Variants in TENM3 observed in about 807,000 individuals in gnomAD.
The protein encoded by TENM3 is teneurin-3.
Under a neutral mutation model 255.1 loss-of-function variants are expected in TENM3, and 63 were observed. The observed-to-expected ratio is 0.25, with a 90% CI of 0.20 to 0.30. The LOEUF is 0.30. TENM3 is among the 10% of genes least tolerant of loss of function. The pLI, the probability that TENM3 is intolerant of heterozygous loss-of-function variation, is 1.00. For synonymous variants in TENM3, 1,306 were observed against 1,322.3 expected, an observed-to-expected ratio of 0.99 and a Z score of 0.27; for missense variants, 2,929 against 3,461.1, an observed-to-expected ratio of 0.85 and a Z score of 3.86.
intron 3 of TENM3, among the ~76,000 whole-genome samples, chr4:182,517,582 A>G (rs928368234): frequency 3.0e-5 from 4 of 133,902 alleles, no homozygotes; most frequent in African/African-American, 8.4e-5. Flanking sequence ...ACGGGGTTTC[A>G]CCGTGTTAGC....
At chr4:181,728,555 C>T in the TENM3 span, among the ~76,000 whole-genome samples, 5 of 152,258 alleles carry the variant, frequency 3.3e-5, no homozygotes, top group African/African-American at 4.8e-5. Context: ...TATAAACTGT[C>T]GTGGTGCTGG....
At chr4:182,324,394 A>C in intron 2 of TENM3, 142 bp downstream of exon 2, 1 of 689,436 alleles carries the variant, frequency 1.5e-6, no homozygotes, top group Non-Finnish European at 2.5e-6. Context: ...TTAGATCATC[A>C]TGCAGTATTC....
At chr4:182,169,074 T>TACACACACACACAC (rs55885166) in intron 1 of TENM3, among the ~76,000 whole-genome samples, 4,217 of 137,736 alleles carry the variant, frequency 0.031, 81 homozygotes, top group Non-Finnish European at 0.037. Flanking sequence ...AATCATGCCA[T>TACACACACACACAC]ACACACACAC....
At chr4:181,713,782 G>GA in the TENM3 span, among the ~76,000 whole-genome samples, 7 of 151,792 alleles carry the variant, frequency 4.6e-5, no homozygotes, top group East Asian at 1.9e-4. Flanking sequence ...AATTCTCACA[G>GA]AAAAAAAACC....
At chr4:181,962,957 G>A in the TENM3 span, among the ~76,000 whole-genome samples, 1 of 152,316 alleles carries the variant, frequency 6.6e-6, no homozygotes, top group East Asian at 1.9e-4. Context: ...AATTGCTACA[G>A]CCTCTCAAGC....
At chr4:182,651,835 A>G (rs1256434769) in intron 5 of TENM3, among the ~76,000 whole-genome samples, 6 of 152,044 alleles carry the variant, frequency 3.9e-5, no homozygotes, top group Non-Finnish European at 2.9e-5. Context: ...CTTTCTTACT[A>G]TAGCATGCTT....
chr4:181,577,316 C>T, the TENM3 span, among the ~76,000 whole-genome samples: 1 of 150,166 alleles, frequency 6.7e-6, no homozygotes, highest in Non-Finnish European at 1.5e-5. Context: ...GCCGGGATTA[C>T]AGGCGTGAGC....
intron 3 of TENM3, among the ~76,000 whole-genome samples, chr4:182,453,271 C>T (rs1773616006): frequency 6.6e-6 from 1 of 151,984 alleles, no homozygotes; most frequent in South Asian, 2.1e-4. Context: ...TTTGGTCTCC[C>T]AGAAACAGTT....
At chr4:182,022,555 A>C in the TENM3 span, among the ~76,000 whole-genome samples, 13 of 152,092 alleles carry the variant, frequency 8.5e-5, no homozygotes, top group Admixed American at 4.6e-4. Context: ...AAATCCAAAA[A>C]GAAAAGAGAC....
At chr4:182,359,655 T>A (rs4862040) in intron 3 of TENM3, among the ~76,000 whole-genome samples, 1 of 132,756 alleles carries the variant, frequency 7.5e-6, no homozygotes, top group Admixed American at 8.2e-5. Context: ...TTTTGTTGAT[T>A]GTTTCAAAAA....
At position 182,524,180 on chromosome 4, in the gene TENM3, G is replaced by A. The variant is rs1472090632; in HGVS notation, c.512-76744G>A. The stretch of plus-strand genomic sequence containing the variant: ...AGTTTATTTGGAAAAAAGGAAGAAC[G>A]TGCTCACAACAGGAGAGCAAAAGTC... On this transcript the variant is annotated intron_variant, in intron 3 of 27. Coordinates refer to ENST00000511685, the MANE Select transcript of TENM3 (RefSeq NM_001080477.4). Among the ~76,000 whole-genome samples the A allele has an allele frequency of 2.0e-5, 3 of 152,094 alleles. No homozygotes were observed. The East Asian group carries it at 5.8e-4, about 29-fold the overall frequency.
At chr4:182,283,130 A>G (rs184358263) in intron 1 of TENM3, among the ~76,000 whole-genome samples, 1 of 152,282 alleles carries the variant, frequency 6.6e-6, no homozygotes, top group Admixed American at 6.5e-5. Context: ...TTAAAAATTG[A>G]CTTCAACGTA....
At chr4:182,202,469 C>A (rs1330923189) in intron 1 of TENM3, among the ~76,000 whole-genome samples, 3 of 151,998 alleles carry the variant, frequency 2.0e-5, no homozygotes, top group Non-Finnish European at 4.4e-5. Context: ...CCACACCCAG[C>A]TACTTTTATA....
chr4:182,351,531 GCC>G (rs1765180560), intron 3 of TENM3, among the ~76,000 whole-genome samples: 2 of 152,154 alleles, frequency 1.3e-5, no homozygotes, highest in Non-Finnish European at 2.9e-5. Context: ...TCAGCTGCCT[GCC>G]GAGTTCTGGA....
the TENM3 span, among the ~76,000 whole-genome samples, chr4:182,025,051 TGGAGTCTTGC>T: frequency 7.3e-6 from 1 of 136,212 alleles, no homozygotes; most frequent in African/African-American, 2.8e-5. Flanking sequence ...TTTTTTGAGA[TGGAGTCTTGC>T]TTTGTTGCCC....
At chr4:182,798,202 C>T (rs886689028) in intron 27 of TENM3, among the ~76,000 whole-genome samples, 3 of 152,096 alleles carry the variant, frequency 2.0e-5, no homozygotes, top group African/African-American at 7.2e-5. Flanking sequence ...AGATAAGAGT[C>T]TCCCTGCGTA....
the TENM3 span, among the ~76,000 whole-genome samples, chr4:181,785,231 A>G: frequency 6.6e-6 from 1 of 152,158 alleles, no homozygotes; most frequent in Non-Finnish European, 1.5e-5. Flanking sequence ...ATAGATGATA[A>G]CATACAGATT....
chr4:181,513,539 A>G, the TENM3 span, among the ~76,000 whole-genome samples: 1 of 152,358 alleles, frequency 6.6e-6, no homozygotes, highest in South Asian at 2.1e-4. Flanking sequence ...AAATATATAA[A>G]GAAAAGGAAG....
the TENM3 span, among the ~76,000 whole-genome samples, chr4:181,927,497 C>A: frequency 6.6e-6 from 1 of 152,256 alleles, no homozygotes; most frequent in Admixed American, 6.5e-5. Context: ...GGCAGGGCAT[C>A]TCTGAAAGAA....
Sources: gnomAD v4.1 joint callset for allele counts (sites outside exome capture counted in the v4.1 genomes callset) on GRCh38, gnomAD v4.1.1 for gene constraint, MANE v1.5 for transcripts, NCBI Gene and HGNC (gene_info 2026-07-23, HGNC 2026-07-21) for gene names.